SMC5: variants seen among roughly 807,000 people sequenced by gnomAD.
The protein encoded by SMC5 is structural maintenance of chromosomes 5, also known as structural maintenance of chromosomes protein 5.
In SMC5, 88 loss-of-function variants were observed where a neutral mutation model predicts 148.3. The observed-to-expected ratio is 0.59, with a 90% CI of 0.50 to 0.71. The LOEUF (loss-of-function observed/expected upper bound fraction) is 0.71, where lower values mean the gene tolerates loss of function less well. Among genes scored for constraint, SMC5 ranks in the 30% least tolerant of loss-of-function variants. SMC5 has a pLI of 0.00. For missense variants in SMC5, 1,142 were observed against 1,298.9 expected, an observed-to-expected ratio of 0.88 and a Z score of 1.86; for synonymous variants, 421 against 432.8, an observed-to-expected ratio of 0.97 and a Z score of 0.34.
chr9:70,290,768 C>T (rs1458066567), intron 8 of SMC5, among the ~76,000 whole-genome samples: 1 of 152,114 alleles, frequency 6.6e-6, no homozygotes, highest in East Asian at 1.9e-4. Flanking sequence ...ACTGCCAGCA[C>T]TCATTTAATT....
At chr9:70,320,970 C>G (rs2035928549) in intron 15 of SMC5, among the ~76,000 whole-genome samples, 1 of 152,142 alleles carries the variant, frequency 6.6e-6, no homozygotes, top group South Asian at 2.1e-4. Flanking sequence ...ACCGTCAGTG[C>G]AAATGACAGC....
intron 18 of SMC5, among the ~76,000 whole-genome samples, chr9:70,345,176 T>C (rs1290649479): frequency 6.7e-6 from 1 of 149,454 alleles, no homozygotes; most frequent in Non-Finnish European, 1.5e-5. Flanking sequence ...TACAATCTAC[T>C]AATTTTTTTT....
intron 4 of SMC5, 49 bp from the exon 5 acceptor site, chr9:70,278,442 A>G (rs770225472): frequency 2.1e-5 from 33 of 1,561,542 alleles, no homozygotes; most frequent in Non-Finnish European, 2.6e-5. Context: ...CATTTTGAAG[A>G]TATATGTAAA....
chr9:70,285,073 G>A (rs2034859916), intron 7 of SMC5, among the ~76,000 whole-genome samples: 1 of 152,088 alleles, frequency 6.6e-6, no homozygotes, highest in African/African-American at 2.4e-5. Flanking sequence ...TATCTTACAT[G>A]ATTAGCATGT....
At chr9:70,268,931 G>A (rs2034369571) in intron 3 of SMC5, among the ~76,000 whole-genome samples, 1 of 151,914 alleles carries the variant, frequency 6.6e-6, no homozygotes, top group South Asian at 2.1e-4. Flanking sequence ...GACCATCCTT[G>A]GTATATATAA....
At chr9:70,349,404 C>T (rs2036750684) in intron 22 of SMC5, among the ~76,000 whole-genome samples, 1 of 152,130 alleles carries the variant, frequency 6.6e-6, no homozygotes. Flanking sequence ...TAAGGTAAAT[C>T]TGAACCTGAC....
chr9:70,266,079 G>A (rs1355034054), intron 2 of SMC5, among the ~76,000 whole-genome samples: 1 of 151,990 alleles, frequency 6.6e-6, no homozygotes, highest in Non-Finnish European at 1.5e-5. Context: ...ATTTCTAAAA[G>A]TTAATTGTAT....
At chr9:70,344,994 C>T (rs528197095) in intron 18 of SMC5, among the ~76,000 whole-genome samples, 1 of 151,924 alleles carries the variant, frequency 6.6e-6, no homozygotes, top group African/African-American at 2.4e-5. Context: ...TTTTCAAATC[C>T]TCAATTGATT....
chr9:70,334,215 A>G (rs1232385540), intron 17 of SMC5, among the ~76,000 whole-genome samples: 2 of 151,676 alleles, frequency 1.3e-5, no homozygotes, highest in Admixed American at 6.6e-5. Context: ...GAACAATTGC[A>G]TAGTCATATG....
chr9:70,344,681 A>G (rs2118818407), intron 18 of SMC5: 1 of 152,240 alleles, frequency 6.6e-6, no homozygotes, highest in African/African-American at 2.4e-5. Context: ...CCAATAAGAA[A>G]AGGAAAAAAG....
In SMC5 at chr9:70,305,260, A is replaced by T. The variant is rs1472263065; in HGVS notation, c.1478A>T (p.Asp493Val). 1.3e-6 allele frequency: 2 copies of T among 1,529,374 alleles called. No homozygotes were observed. Among genetic ancestry groups the T allele is most frequent in the African/African-American group, 2.7e-5 (2 of 72,772 alleles). The allele number at this position is 1,529,374 out of a possible 1,614,324, so 94.7% of individuals were successfully genotyped here. Reference protein sequence around the residue: ...EPIMLTINMKDNKNAKYIENH... With the variant: ...EPIMLTINMKVNKNAKYIENH... The stretch of plus-strand genomic sequence containing the variant: ...TTGTTTGTTTAGATCAATATGAAAG[A>T]TAATAAAAATGCCAAATATATTGAA... The change falls in exon 11 of 25, where the codon GAT becomes GTT. Residue 493 changes from aspartate (D) to valine (V), a missense_variant. Around this residue, in one of 5 missense-constraint regions of SMC5, gnomAD observed 743 missense variants for 835.7 expected, o/e 0.89. Coordinates refer to ENST00000361138, the MANE Select transcript of SMC5 (RefSeq NM_015110.4).
At chr9:70,325,145 T>C (rs1192758687) in intron 17 of SMC5, among the ~76,000 whole-genome samples, 1 of 152,190 alleles carries the variant, frequency 6.6e-6, no homozygotes, top group African/African-American at 2.4e-5. Context: ...TGTGTATTGC[T>C]CAAATCATAC....
intron 18 of SMC5, among the ~76,000 whole-genome samples, chr9:70,346,048 A>G (rs1270311707): frequency 6.6e-6 from 1 of 152,176 alleles, no homozygotes; most frequent in African/African-American, 2.4e-5. Flanking sequence ...TTACGATGCC[A>G]TTTACTGGAA....
At chr9:70,345,774 T>C (rs1363493775) in intron 18 of SMC5, among the ~76,000 whole-genome samples, 4 of 152,156 alleles carry the variant, frequency 2.6e-5, no homozygotes, top group Non-Finnish European at 5.9e-5. Context: ...TTACTACTTT[T>C]ATGAACGAGC....
chr9:70,326,866 A>C lies in SMC5; in HGVS notation c.2397+2723A>C, dbSNP rs193030950. 3.6e-3 allele frequency among the ~76,000 whole-genome samples: 544 copies of C among 152,172 alleles called. 1 individual carries two copies. Among genetic ancestry groups the C allele is most frequent in the Non-Finnish European group, 5.9e-3 (403 of 67,958 alleles). On this transcript the variant is annotated intron_variant, in intron 17 of 24. Coordinates refer to ENST00000361138, the MANE Select transcript of SMC5 (RefSeq NM_015110.4). ...TGTAATGATTCTAAGGGCAAAAAAA[A>C]ATTGCAAAAAAAATCATGTACTGTT... is the stretch of plus-strand genomic sequence containing the variant.
At chr9:70,329,049 T>C (rs2036156950) in intron 17 of SMC5, among the ~76,000 whole-genome samples, 1 of 152,178 alleles carries the variant, frequency 6.6e-6, no homozygotes, top group African/African-American at 2.4e-5. Context: ...GCCCTAAGGC[T>C]GCACAGAGCG....
chr9:70,293,199 A>G (rs570220879), intron 8 of SMC5, among the ~76,000 whole-genome samples: 2 of 152,228 alleles, frequency 1.3e-5, no homozygotes, highest in Non-Finnish European at 2.9e-5. Flanking sequence ...CAAATAATCT[A>G]TTTCATATTA....
intron 6 of SMC5, among the ~76,000 whole-genome samples, chr9:70,281,936 G>T: frequency 6.7e-6 from 1 of 148,920 alleles, no homozygotes; most frequent in African/African-American, 2.5e-5. Flanking sequence ...TGTTGCCTTA[G>T]TGTGCCACTT....
At chr9:70,275,660 T>G (rs2034571583) in intron 3 of SMC5, among the ~76,000 whole-genome samples, 2 of 152,198 alleles carry the variant, frequency 1.3e-5, no homozygotes, top group Non-Finnish European at 2.9e-5. Flanking sequence ...CTTAGTTTAT[T>G]TGATAGTAAT....
Sources: allele counts gnomAD v4.1 joint callset (sites outside exome capture counted in the v4.1 genomes callset), GRCh38; gene constraint gnomAD v4.1.1; regional missense constraint gnomAD v4.1.1; transcripts MANE v1.5; gene names NCBI Gene and HGNC (gene_info 2026-07-23, HGNC 2026-07-21).